CACNA1D: variants seen among roughly 807,000 people sequenced by gnomAD.
CACNA1D encodes the protein calcium voltage-gated channel subunit alpha1 D.
CACNA1D carries 55 observed loss-of-function variants against 257.1 expected under a neutral mutation model. The ratio of observed to expected loss-of-function variants is 0.21; its 90% CI spans 0.17 to 0.27. The LOEUF is 0.27. CACNA1D is among the 10% of genes least tolerant of loss of function. The pLI, the probability that CACNA1D is intolerant of heterozygous loss-of-function variation, is 1.00. For missense variants in CACNA1D, 1,876 were observed against 2,784.0 expected, an observed-to-expected ratio of 0.67 and a Z score of 7.34; for synonymous variants, 980 against 1,014.9, an observed-to-expected ratio of 0.97 and a Z score of 0.65.
chr3:53,710,487 C>T, intron 9 of CACNA1D: 1 of 456,722 alleles, frequency 2.2e-6, no homozygotes, highest in Non-Finnish European at 4.4e-6. Flanking sequence ...TGGTAAATTG[C>T]TGAGACTGAG....
chr3:53,495,348 C>A lies in CACNA1D; in HGVS notation c.67+115C>A. The A allele has an allele frequency of 8.0e-7, 1 of 1,245,378 alleles. No homozygotes were observed. The highest frequency in any genetic ancestry group is 1.2e-6 in the Non-Finnish European group (1 of 849,876). 77.1% of individuals were successfully genotyped at this position (1,245,378 alleles called of 1,614,324 possible). The stretch of plus-strand genomic sequence containing the variant: ...GTTGAGGGGGTTGGAGAGGGTGCTG[C>A]CAGCTCGGTGTCGTCTACACAGAGA... On this transcript the variant is annotated intron_variant, in intron 1 of 47. Coordinates refer to ENST00000350061, the MANE Select transcript of CACNA1D (RefSeq NM_001128840.3). This position sits in a 1 kb window ranked among gnomAD's most constrained non-coding sequence, Gnocchi z 5.1.
At chr3:53,621,393 C>G (rs1262391511) in intron 3 of CACNA1D, among the ~76,000 whole-genome samples, 1 of 152,150 alleles carries the variant, frequency 6.6e-6, no homozygotes, top group Non-Finnish European at 1.5e-5. Flanking sequence ...GTTTTTCCAG[C>G]TTTTCCTTAT....
intron 9 of CACNA1D, among the ~76,000 whole-genome samples, chr3:53,717,068 A>G (rs2094827261): frequency 6.6e-6 from 1 of 152,228 alleles, no homozygotes; most frequent in Non-Finnish European, 1.5e-5. Context: ...AACTTGAGGC[A>G]TCCTTGCTAA....
intron 8 of CACNA1D, among the ~76,000 whole-genome samples, chr3:53,692,009 T>C (rs1449392215): frequency 7.0e-6 from 1 of 142,308 alleles, no homozygotes; most frequent in African/African-American, 2.6e-5. Context: ...TAGTTTTAGG[T>C]GATTGAAGTT....
At chr3:53,810,454 T>A in intron 47 of CACNA1D, 156 bp downstream of exon 47, 1 of 766,040 alleles carries the variant, frequency 1.3e-6, no homozygotes, top group Non-Finnish European at 2.3e-6. Context: ...ACCTGAAGCA[T>A]GAGTAAAAAC....
At chr3:53,680,344 T>G (rs2094418070) in intron 8 of CACNA1D, among the ~76,000 whole-genome samples, 1 of 147,698 alleles carries the variant, frequency 6.8e-6, no homozygotes, top group African/African-American at 2.4e-5. Context: ...CCTGACCAAG[T>G]TCTTTTTTTT....
intron 4 of CACNA1D, among the ~76,000 whole-genome samples, chr3:53,652,904 G>T (rs1219044017): frequency 6.6e-6 from 1 of 152,194 alleles, no homozygotes; most frequent in Non-Finnish European, 1.5e-5. Context: ...CTGCTCTAGA[G>T]TACAGAGACT....
chr3:53,614,126 C>CAAAA (rs60855377), intron 3 of CACNA1D, among the ~76,000 whole-genome samples: 2,840 of 108,668 alleles, frequency 0.026, 166 homozygotes, highest in African/African-American at 0.09. Flanking sequence ...GCCCCCAACT[C>CAAAA]AAAAAAAAAA....
intron 8 of CACNA1D, among the ~76,000 whole-genome samples, chr3:53,678,257 T>G (rs1407738023): frequency 6.6e-6 from 1 of 152,242 alleles, no homozygotes; most frequent in Non-Finnish European, 1.5e-5. Flanking sequence ...AATTCAAACC[T>G]TTGGTTTTGG....
chr3:53,579,023 T>C (rs2093086281), intron 3 of CACNA1D, among the ~76,000 whole-genome samples: 1 of 152,190 alleles, frequency 6.6e-6, no homozygotes, highest in East Asian at 1.9e-4. Flanking sequence ...TGACAGCCTG[T>C]GGCCAGGCCC....
chr3:53,737,921 A>C (rs1178098578), intron 20 of CACNA1D, among the ~76,000 whole-genome samples: 1 of 152,222 alleles, frequency 6.6e-6, no homozygotes, highest in African/African-American at 2.4e-5. Context: ...TCTGTGTTGT[A>C]AGGAAACTTG....
At position 53,673,127 on chromosome 3, in the gene CACNA1D, G is replaced by C; in HGVS notation, c.1220+1G>C. ...ATCTTGTACTTGGTGTATTGAGCGG[G>C]TAAGCTACACCTCTTTCATCTTGAA... On this transcript the variant is annotated splice_donor_variant, in intron 8 of 47. Coordinates refer to ENST00000350061, the MANE Select transcript of CACNA1D (RefSeq NM_001128840.3). LOFTEE classifies it high-confidence loss of function. The surrounding 1 kb of genome is among the most constrained non-coding windows in gnomAD (Gnocchi z 4.1). 1 of 1,537,934 alleles carries C rather than the reference G, an allele frequency of 6.5e-7. No individual in the cohort carries two copies. Among genetic ancestry groups the C allele is most frequent in the Non-Finnish European group, 8.8e-7 (1 of 1,134,252 alleles).
chr3:53,768,221 C>A (rs2095346130), intron 30 of CACNA1D, among the ~76,000 whole-genome samples: 1 of 152,198 alleles, frequency 6.6e-6, no homozygotes, highest in Admixed American at 6.5e-5. Context: ...GGAGTGTCTT[C>A]CCTGACCAAC....
At chr3:53,537,365 C>T (rs1295010153) in intron 3 of CACNA1D, among the ~76,000 whole-genome samples, 1 of 152,066 alleles carries the variant, frequency 6.6e-6, no homozygotes, top group South Asian at 2.1e-4. Context: ...CGTCTTATAG[C>T]CAATCTTATT....
chr3:53,651,361 A>ATTTTTTTTTTTTTTTT (rs1576235107), intron 4 of CACNA1D, among the ~76,000 whole-genome samples: 1 of 57,156 alleles, frequency 1.7e-5, no homozygotes, highest in African/African-American at 7.9e-5. Flanking sequence ...AAAGCTATTA[A>ATTTTTTTTTTTTTTTT]TTTTCTTTTT....
At chr3:53,643,358 T>C (rs1220576005) in intron 3 of CACNA1D, among the ~76,000 whole-genome samples, 1 of 152,112 alleles carries the variant, frequency 6.6e-6, no homozygotes, top group Non-Finnish European at 1.5e-5. Context: ...AAAATTTTAC[T>C]AGAGGTTGAA....
intron 8 of CACNA1D, among the ~76,000 whole-genome samples, chr3:53,697,280 C>T (rs2094581294): frequency 6.6e-6 from 1 of 152,236 alleles, no homozygotes; most frequent in Admixed American, 6.5e-5. Flanking sequence ...TGTGGGCTTT[C>T]TGTCCTATAG....
chr3:53,769,536 C>T (rs1371269321), intron 30 of CACNA1D, among the ~76,000 whole-genome samples: 2 of 152,182 alleles, frequency 1.3e-5, no homozygotes, highest in East Asian at 3.8e-4. Flanking sequence ...GTTTGTGGCC[C>T]GCAGGCAGGC....
rs373794273 is a variant in CACNA1D at position 53,541,500 on chromosome 3, C to T, written c.483+39780C>T. Among the ~76,000 whole-genome samples, 128 of 152,214 alleles carry T rather than the reference C, an allele frequency of 8.4e-4. 2 individuals are homozygous for T. In the South Asian group the frequency reaches 0.024, roughly 29 times the overall value. On this transcript the variant is annotated intron_variant, in intron 3 of 47. Transcript: ENST00000350061. ...ATCCCCTGTCGTGTTGTGAAATGGGCGCGGAGAAGCCTGTTCTAGTGACTG... is the reference window on the plus strand; with the variant it reads ...ATCCCCTGTCGTGTTGTGAAATGGGTGCGGAGAAGCCTGTTCTAGTGACTG...
Sources: allele counts gnomAD v4.1 joint callset (sites outside exome capture counted in the v4.1 genomes callset), GRCh38; gene constraint gnomAD v4.1.1; non-coding constraint Gnocchi (gnomAD v3.1); transcripts MANE v1.5; gene names NCBI Gene and HGNC (gene_info 2026-07-23, HGNC 2026-07-21).